The following CFAP97 variants were observed in gnomAD, a reference collection of about 807,000 sequenced individuals.
CFAP97 encodes the protein cilia and flagella associated protein 97, also known as cilia- and flagella-associated protein 97.
A neutral mutation model predicts 43.1 loss-of-function variants in CFAP97; 36 were observed. The ratio of observed to expected loss-of-function variants is 0.84; its 90% confidence interval spans 0.64 to 1.10. The LOEUF (loss-of-function observed/expected upper bound fraction) is 1.10. Ranked by LOEUF, CFAP97 falls within the 50% of genes least tolerant of loss-of-function variation. The pLI is 0.00. For missense variants in CFAP97, 657 were observed against 620.3 expected, an observed-to-expected ratio of 1.06 and a Z score of -0.63; for synonymous variants, 228 against 225.7, an observed-to-expected ratio of 1.01 and a Z score of -0.09.
Position 185,164,083 on chromosome 4 carries a change from A to G in CFAP97, c.1417T>C (p.Ser473Pro). Residue 473 changes from serine (S) to proline (P), a missense_variant, in exon 4 of 5, where the codon TCA becomes CCA. Physicochemically the swap from Ser to Pro is moderately conservative, Grantham distance 74. Coordinates refer to ENST00000458385, the MANE Select transcript of CFAP97 (RefSeq NM_020827.3). ...DYHRNMGYLN[S>P]SPLSRRARST... ...CTGGCCCGTCTTGACAATGGTGATGAGTTGAGATAGCCCATATTGCGATGA... is the reference window on the plus strand; with the variant it reads ...CTGGCCCGTCTTGACAATGGTGATGGGTTGAGATAGCCCATATTGCGATGA... The G allele has an allele frequency of 6.2e-7, 1 of 1,613,978 alleles. No homozygotes were observed. The highest frequency in any genetic ancestry group is 8.5e-7 in the Non-Finnish European group (1 of 1,179,872).
At chr4:185,195,881 A>T (rs1234345235) in intron 1 of CFAP97, among the ~76,000 whole-genome samples, 1 of 152,220 alleles carries the variant, frequency 6.6e-6, no homozygotes, top group African/African-American at 2.4e-5. Context: ...CTTTGAAAAC[A>T]AAATGTCAAG....
chr4:185,176,376 G>T (rs1735543771), intron 2 of CFAP97, among the ~76,000 whole-genome samples: 1 of 152,126 alleles, frequency 6.6e-6, no homozygotes. Context: ...GCCTCCCAAA[G>T]TGCTGGGATT....
At chr4:185,182,147 T>C (rs1735815859) in intron 2 of CFAP97, 2 of 152,154 alleles carry the variant, frequency 1.3e-5, no homozygotes, top group Admixed American at 6.5e-5. Flanking sequence ...TAAAGTGACC[T>C]AATTTTACCT....
upstream of CFAP97, chr4:185,210,129 G>C (rs1265155272): frequency 2.8e-5 from 28 of 984,010 alleles, no homozygotes; most frequent in Non-Finnish European, 3.1e-5. This position sits in a 1 kb window ranked among gnomAD's most constrained non-coding sequence, Gnocchi z 4.4. Flanking sequence ...TGAGCTGCGC[G>C]GCGGCCGCCT....
chr4:185,197,102 T>TTAAAA (rs1235108095), intron 1 of CFAP97, among the ~76,000 whole-genome samples: 4 of 86,800 alleles, frequency 4.6e-5, no homozygotes, highest in African/African-American at 1.9e-4. Context: ...CCCTCTTAAT[T>TTAAAA]AAAAAAAAAA....
chr4:185,192,773 C>T (rs1736340879), intron 1 of CFAP97, among the ~76,000 whole-genome samples: 1 of 115,152 alleles, frequency 8.7e-6, no homozygotes, highest in Non-Finnish European at 1.6e-5. Flanking sequence ...CGGAGTCTCG[C>T]TCTGTCACCC....
intron 2 of CFAP97, 79 bp from the exon 3 acceptor site, chr4:185,176,130 T>TTTTTTTTTTTG (rs1560860378): frequency 8.7e-7 from 1 of 1,146,398 alleles, no homozygotes; most frequent in African/African-American, 1.7e-5. Flanking sequence ...TTTCTCTTTT[T>TTTTTTTTTTTG]AGACGGAGTT....
At position 185,179,060 on chromosome 4, in the gene CFAP97, C is replaced by T. The variant is rs531259417; in HGVS notation, c.1055-3009G>A. ...AAATTTAGAAAGAATATAAAAGAGC[C>T]AAGACTTAACGGGGTTTAAAAGTAA... On this transcript the variant is annotated intron_variant, in intron 2 of 4. Transcript: ENST00000458385. 3.3e-5 allele frequency among the ~76,000 whole-genome samples: 5 copies of T among 152,166 alleles called. No homozygotes were observed. The South Asian group carries it at 1.0e-3, about 32-fold the overall frequency.
chr4:185,189,383 T>A (rs1736134117), intron 2 of CFAP97, among the ~76,000 whole-genome samples: 1 of 152,210 alleles, frequency 6.6e-6, no homozygotes, highest in Admixed American at 6.5e-5. Flanking sequence ...AAGACTAACA[T>A]TTCAAACAGG....
At position 185,193,887 on chromosome 4, in the gene CFAP97, GATAAATAA is replaced by G. The variant is rs71593607; in HGVS notation, c.-16-2683_-16-2676del. Among the ~76,000 whole-genome samples the G allele has an allele frequency of 4.7e-5, 7 of 147,674 alleles. 1 individual carries two copies. The highest frequency in any genetic ancestry group is 1.4e-4 in the Admixed American group (2 of 14,736). ...TGGGCGACAGAGAGAGACTCCATCT[GATAAATAA>G]ATAAATAAATAAATAAGGGAATTCT... On this transcript the variant is annotated intron_variant, in intron 1 of 4. Coordinates refer to ENST00000458385, the MANE Select transcript of CFAP97 (RefSeq NM_020827.3).
intron 2 of CFAP97, 65 bp downstream of exon 2, chr4:185,190,075 TAGC>T (rs1303633283): frequency 7.2e-6 from 9 of 1,250,674 alleles, no homozygotes; most frequent in Admixed American, 2.7e-5. Context: ...TGCAAATTCA[TAGC>T]ATTTAATATT....
intron 3 of CFAP97, chr4:185,169,175 T>C (rs751858940): frequency 3.9e-5 from 6 of 152,198 alleles, no homozygotes; most frequent in Non-Finnish European, 7.3e-5. Context: ...ATGTTGACTA[T>C]AGTTAACAAT....
intron 2 of CFAP97, 131 bp downstream of exon 2, chr4:185,190,012 A>G (rs1169928893): frequency 3.2e-6 from 2 of 627,326 alleles, no homozygotes; most frequent in Non-Finnish European, 5.0e-6. Flanking sequence ...TATTTGGTAA[A>G]GTTACTAATA....
intron 1 of CFAP97, among the ~76,000 whole-genome samples, chr4:185,202,989 A>C (rs533883661): frequency 2.0e-5 from 3 of 152,264 alleles, no homozygotes; most frequent in Non-Finnish European, 4.4e-5. Flanking sequence ...AGGAAAGGAT[A>C]AAATTAAAGG....
intron 1 of CFAP97, among the ~76,000 whole-genome samples, chr4:185,202,332 T>A (rs928971110): frequency 6.6e-6 from 1 of 152,174 alleles, no homozygotes; most frequent in Non-Finnish European, 1.5e-5. Context: ...GCAGACCACT[T>A]GAGCCCAGGA....
Position 185,178,240 on chromosome 4 carries a change from C to CTTT in CFAP97, c.1055-2192_1055-2190dup, listed in dbSNP as rs562452947. ...GCTATTTTCCCCTAACGGTTTTTGT[C>CTTT]TTTTTTTTTTTTTTTTTTTTTTTTT... On this transcript the variant is annotated intron_variant, in intron 2 of 4. Transcript: ENST00000458385. Among the ~76,000 whole-genome samples, 95 of 64,218 alleles carry CTTT rather than the reference C, an allele frequency of 1.5e-3. 3 individuals are homozygous for CTTT. Among genetic ancestry groups the CTTT allele is most frequent in the African/African-American group, 3.9e-3 (70 of 17,898 alleles). The allele number at this position is 64,218 out of a possible 152,430, so 42.1% of individuals were successfully genotyped here. A position where few individuals can be genotyped will look rare whatever the true frequency, so the allele number is the denominator to read the frequency against.
intron 1 of CFAP97, among the ~76,000 whole-genome samples, chr4:185,195,724 TAA>T (rs755953257): frequency 6.6e-6 from 1 of 152,140 alleles, no homozygotes; most frequent in East Asian, 1.9e-4. Context: ...ATCACAAACG[TAA>T]AGACTATGGC....
chr4:185,191,668 A>T (rs932624908), intron 1 of CFAP97, among the ~76,000 whole-genome samples: 2 of 152,178 alleles, frequency 1.3e-5, no homozygotes, highest in African/African-American at 4.8e-5. Flanking sequence ...CGTCTCTACT[A>T]AAAATACAAA....
chr4:185,162,867 C>A lies in CFAP97; in HGVS notation c.1530G>T (p.Ala510=). The change falls in exon 5 of 5, where the codon GCG becomes GCT. Residue 510 remains alanine (A), a synonymous_variant. Transcript: ENST00000458385. ...SGLSCRSERS[A]VDPSSGHPRR... is the part of the protein sequence containing the mutation. ...GAGGGTGGCCACTGGAGGGGTCAAC[C>A]GCTGATCGCTCACTCCTACAACTGA... 1 of 1,611,858 alleles carries A rather than the reference C, an allele frequency of 6.2e-7. No individual in the cohort carries two copies. Among genetic ancestry groups the A allele is most frequent in the Non-Finnish European group, 8.5e-7 (1 of 1,179,112 alleles).
Sources: allele counts gnomAD v4.1 joint callset (sites outside exome capture counted in the v4.1 genomes callset), GRCh38; gene constraint gnomAD v4.1.1; non-coding constraint Gnocchi (gnomAD v3.1); transcripts MANE v1.5; gene names NCBI Gene and HGNC (gene_info 2026-07-23, HGNC 2026-07-21).